PAQR8: variants seen among roughly 807,000 people sequenced by gnomAD.
The protein encoded by PAQR8 is membrane progestin receptor beta.
In PAQR8, 17 loss-of-function variants were observed where a neutral mutation model predicts 25.2. The ratio of observed to expected loss-of-function variants is 0.67; its 90% CI spans 0.46 to 1.01. PAQR8 has a LOEUF of 1.01. Among genes scored for constraint, PAQR8 ranks in the 50% least tolerant of loss-of-function variants. The pLI is 0.00. For missense variants in PAQR8, 392 were observed against 448.4 expected (o/e 0.87, Z 1.14); for synonymous variants, 204 against 190.6 (o/e 1.07, Z -0.58).
chr6:52,398,911 C>T (rs1763799453), intron 1 of PAQR8, among the ~76,000 whole-genome samples: 1 of 152,118 alleles, frequency 6.6e-6, no homozygotes, highest in Non-Finnish European at 1.5e-5. Flanking sequence ...CCTCTCATTC[C>T]TGAGAGGTAA....
At chr6:52,380,056 C>T (rs992211468) in intron 1 of PAQR8, among the ~76,000 whole-genome samples, 1 of 152,150 alleles carries the variant, frequency 6.6e-6, no homozygotes, top group African/African-American at 2.4e-5. Context: ...CCACCCGACC[C>T]GGCCTGGATT....
chr6:52,390,296 GAACA>G (rs1333881512), intron 1 of PAQR8, among the ~76,000 whole-genome samples: 2 of 152,214 alleles, frequency 1.3e-5, no homozygotes, highest in East Asian at 3.8e-4. Context: ...GGAAGTGACA[GAACA>G]GACAGAAATT....
In PAQR8 at chr6:52,404,184, G is replaced by A; in HGVS notation, c.971G>A (p.Cys324Tyr). Residue 324 changes from cysteine (C) to tyrosine (Y), a missense_variant, in exon 2 of 2, where the codon TGC becomes TAC. Coordinates refer to ENST00000442253, the MANE Select transcript of PAQR8 (RefSeq NM_133367.5). ...RHGPLSVHMA[C>Y]LSFFFLAACS... The stretch of plus-strand genomic sequence containing the variant: ...GGACCCCTATCTGTCCACATGGCCT[G>A]CCTCTCCTTCTTCTTCCTGGCTGCC... The A allele has an allele frequency of 6.2e-7, 1 of 1,614,036 alleles. No individual in the cohort carries two copies. The highest frequency in any genetic ancestry group is 8.5e-7 in the Non-Finnish European group (1 of 1,179,936).
chr6:52,379,812 A>C (rs1763536689), intron 1 of PAQR8, among the ~76,000 whole-genome samples: 1 of 151,944 alleles, frequency 6.6e-6, no homozygotes, highest in South Asian at 2.1e-4. Context: ...TATTTTTAGT[A>C]CAGATGGGGT....
intron 1 of PAQR8, among the ~76,000 whole-genome samples, chr6:52,363,266 A>C (rs1376123554): frequency 6.6e-6 from 1 of 152,322 alleles, no homozygotes; most frequent in East Asian, 1.9e-4. Context: ...TGCTCCAGGC[A>C]CTGGCAGACT....
At position 52,362,218 on chromosome 6, in the gene PAQR8, T is replaced by C. The variant is rs75731219; in HGVS notation, c.-84T>C. The C allele has an allele frequency of 0.41, 62,776 of 151,744 alleles. 13,243 individuals carry two copies. The highest frequency in any genetic ancestry group is 0.52 in the Admixed American group (7,972 of 15,230). The allele number at this position is 151,744 out of a possible 1,614,324, so 9.4% of individuals were successfully genotyped here. On this transcript the variant is annotated 5_prime_UTR_variant, in exon 1 of 2. Transcript: ENST00000442253. The surrounding 1 kb of genome is among the most constrained non-coding windows in gnomAD (Gnocchi z 4.1). The stretch of plus-strand genomic sequence containing the variant: ...GAGCGCGGGCTGGGCCGGGCTGGGC[T>C]ACGCGCACGGGCTCGGCCGCCGCCC...
Position 52,403,319 on chromosome 6 carries a change from A to C in PAQR8, c.106A>C (p.Thr36Pro). 2 of 1,614,158 alleles carry C rather than the reference A, an allele frequency of 1.2e-6. No homozygotes were observed. Among genetic ancestry groups the C allele is most frequent in the Middle Eastern group, 3.3e-4 (2 of 6,062 alleles). The change falls in exon 2 of 2, where the codon ACT becomes CCT. Residue 36 changes from threonine to proline, a missense_variant. Coordinates refer to ENST00000442253, the MANE Select transcript of PAQR8 (RefSeq NM_133367.5). ...GGATGGGCTTCCCAAGATGCCTTGC[A>C]CTGTCCCAGAAACGGATGTGCCCCA... ...LEDGLPKMPC[T>P]VPETDVPQLF...
At chr6:52,399,910 G>A (rs982666308) in intron 1 of PAQR8, among the ~76,000 whole-genome samples, 3 of 152,128 alleles carry the variant, frequency 2.0e-5, no homozygotes, top group South Asian at 2.1e-4. Flanking sequence ...CCTGTAGTTC[G>A]TCCACCAAGG....
intron 1 of PAQR8, among the ~76,000 whole-genome samples, chr6:52,401,920 G>A (rs1379587566): frequency 1.3e-5 from 2 of 152,108 alleles, no homozygotes; most frequent in Non-Finnish European, 2.9e-5. Flanking sequence ...TTAATATCGA[G>A]AAAAGCCCAT....
intron 1 of PAQR8, among the ~76,000 whole-genome samples, chr6:52,388,221 C>G (rs1763655298): frequency 6.6e-6 from 1 of 151,928 alleles, no homozygotes; most frequent in Non-Finnish European, 1.5e-5. Context: ...ACTAAAAATA[C>G]AAAAATCAGC....
chr6:52,395,928 T>C (rs559012937), intron 1 of PAQR8, among the ~76,000 whole-genome samples: 1 of 152,360 alleles, frequency 6.6e-6, no homozygotes, highest in South Asian at 2.1e-4. Flanking sequence ...CAAATACTAA[T>C]AGCCAGACTT....
chr6:52,383,672 A>C (rs1038209662), intron 1 of PAQR8, among the ~76,000 whole-genome samples: 3 of 151,548 alleles, frequency 2.0e-5, no homozygotes, highest in African/African-American at 4.8e-5. Flanking sequence ...AAAAAAAAAA[A>C]AAAAACCAGG....
At chr6:52,385,120 C>T (rs1052015885) in intron 1 of PAQR8, among the ~76,000 whole-genome samples, 7 of 152,116 alleles carry the variant, frequency 4.6e-5, no homozygotes, top group Non-Finnish European at 7.4e-5. Context: ...GGGAGGGACC[C>T]GTTGGGAGAT....
In PAQR8 at chr6:52,403,922, C is replaced by T. The variant is rs140488811; in HGVS notation, c.709C>T (p.Leu237=). The T allele has an allele frequency of 1.3e-4, 204 of 1,614,262 alleles. No individual in the cohort carries two copies. In the African/African-American group the frequency reaches 1.6e-3, roughly 13 times the overall value. Residue 237 remains leucine, a synonymous_variant, in exon 2 of 2, where the codon CTG becomes TTG. Transcript: ENST00000442253. ...GGCACACCGTGTGGCGCTCTGTCAC[C>T]TGGCTGGCTGCCAGGAGCAAGCAGC... ...PVAHRVALCH[L]AGCQEQAAWY...
intron 1 of PAQR8, among the ~76,000 whole-genome samples, chr6:52,380,425 C>T (rs1388206446): frequency 6.6e-6 from 1 of 152,202 alleles, no homozygotes; most frequent in Non-Finnish European, 1.5e-5. Context: ...ACAATCCAGG[C>T]AGTCAGGTAG....
chr6:52,374,973 A>G (rs913854183), intron 1 of PAQR8, among the ~76,000 whole-genome samples: 1 of 150,558 alleles, frequency 6.6e-6, no homozygotes, highest in Admixed American at 6.6e-5. Context: ...AGAGATAATG[A>G]GGGAAATACA....
Position 52,405,934 on chromosome 6 carries a change from TTCTC to T in PAQR8, c.*1657_*1660del, listed in dbSNP as rs1763902348. 1 of 166,880 alleles carries T rather than the reference TTCTC, an allele frequency of 6.0e-6. No homozygotes were observed. The highest frequency in any genetic ancestry group is 6.5e-5 in the Admixed American group (1 of 15,290). The allele number at this position is 166,880 out of a possible 1,614,324, so 10.3% of individuals were successfully genotyped here. A position where few individuals can be genotyped will look rare whatever the true frequency, so the allele number is the denominator to read the frequency against. On this transcript the variant is annotated 3_prime_UTR_variant, in exon 2 of 2. Coordinates refer to ENST00000442253, the MANE Select transcript of PAQR8 (RefSeq NM_133367.5). ...AGAATTGCTTATCAATCAAAAGACT[TTCTC>T]AATCTATTTTGGCCACAAACAAACA...
chr6:52,394,168 G>C (rs949561165), intron 1 of PAQR8, among the ~76,000 whole-genome samples: 1 of 152,152 alleles, frequency 6.6e-6, no homozygotes, highest in Non-Finnish European at 1.5e-5. Context: ...CAGGAGCAGT[G>C]AGTGCAGTGA....
At chr6:52,386,045 A>G (rs956077300) in intron 1 of PAQR8, among the ~76,000 whole-genome samples, 1 of 152,240 alleles carries the variant, frequency 6.6e-6, no homozygotes, top group Non-Finnish European at 1.5e-5. Context: ...GGAAATGAGC[A>G]GACACTTCTC....
Sources: gnomAD v4.1 joint callset for allele counts (sites outside exome capture counted in the v4.1 genomes callset) on GRCh38, gnomAD v4.1.1 for gene constraint, Gnocchi (gnomAD v3.1) non-coding constraint, MANE v1.5 for transcripts, NCBI Gene and HGNC (gene_info 2026-07-23, HGNC 2026-07-21) for gene names.